The following DAB1 variants were observed in gnomAD, a reference collection of about 807,000 sequenced individuals.
DAB1 encodes disabled homolog 1.
Under a neutral mutation model 64.6 loss-of-function variants are expected in DAB1, and 15 were observed. The observed-to-expected ratio is 0.23, with a 90% CI of 0.16 to 0.36. DAB1 has a LOEUF of 0.36. Among genes scored for constraint, DAB1 ranks in the 10% least tolerant of loss-of-function variants. The probability of loss-of-function intolerance (pLI) is 1.00; values close to 1 mark genes in which losing one functional copy is unlikely to be tolerated. For synonymous variants in DAB1, 235 were observed against 251.9 expected, an observed-to-expected ratio of 0.93 and a Z score of 0.64; for missense variants, 596 against 706.7, an observed-to-expected ratio of 0.84 and a Z score of 1.78.
At chr1:57,057,862 C>T (rs930660751) in intron 9 of DAB1, among the ~76,000 whole-genome samples, 1 of 152,096 alleles carries the variant, frequency 6.6e-6, no homozygotes, top group Non-Finnish European at 1.5e-5. Flanking sequence ...CCCGCCTTGG[C>T]CTCCCAAAGT....
At chr1:57,316,525 T>C (rs1273164681) in intron 1 of DAB1, among the ~76,000 whole-genome samples, 1 of 152,156 alleles carries the variant, frequency 6.6e-6, no homozygotes, top group East Asian at 1.9e-4. Context: ...CCTCAGGCAA[T>C]TTTATTGGCA....
chr1:57,976,884 C>T (rs751311340), intron 5 of DAB1, among the ~76,000 whole-genome samples: 1 of 152,076 alleles, frequency 6.6e-6, no homozygotes, highest in Non-Finnish European at 1.5e-5. Context: ...GGTTCATTTC[C>T]TTCTCTCCAT....
intron 1 of DAB1, among the ~76,000 whole-genome samples, chr1:57,421,594 T>TA (rs1324295268): frequency 6.6e-6 from 1 of 152,116 alleles, no homozygotes; most frequent in Non-Finnish European, 1.5e-5. Flanking sequence ...GCCAAATAGT[T>TA]ACAAAGTCAG....
chr1:58,071,060 TA>T (rs377098945), intron 5 of DAB1, among the ~76,000 whole-genome samples: 19 of 152,096 alleles, frequency 1.2e-4, no homozygotes, highest in Admixed American at 4.6e-4. Context: ...AGAGGATGTG[TA>T]GTGTGATGTG....
intron 7 of DAB1, among the ~76,000 whole-genome samples, chr1:57,631,254 G>A (rs551153245): frequency 6.6e-6 from 1 of 152,310 alleles, no homozygotes; most frequent in African/African-American, 2.4e-5. Flanking sequence ...ATTTAAAGAT[G>A]AAATTCAGAG....
In DAB1 at chr1:57,462,634, G is replaced by A. The variant is rs12076004; in HGVS notation, n.626-171468C>T. 9.6e-3 allele frequency among the ~76,000 whole-genome samples: 1,455 copies of A among 152,226 alleles called. 26 individuals are homozygous for A. The highest frequency in any genetic ancestry group is 0.034 in the African/African-American group (1,401 of 41,532). On this transcript the variant is annotated intron_variant and non_coding_transcript_variant, in intron 7 of 20. Coordinates refer to the DAB1 transcript ENST00000485760. ...CTTACAACAACCCTATGAGAGGGTC[G>A]TACTGCTCCCATTTTTTAAATGAAG...
At chr1:58,312,897 GA>G (rs1302963324) in intron 4 of DAB1, among the ~76,000 whole-genome samples, 2 of 152,068 alleles carry the variant, frequency 1.3e-5, no homozygotes, top group Non-Finnish European at 2.9e-5. Flanking sequence ...AAGATTAAAA[GA>G]GTTCACAACT....
In DAB1 at chr1:57,890,442, CTTTCT is replaced by C. The variant is rs555949884; in HGVS notation, n.388-6285_388-6281del. ...TCTTCTCTTTTTTTGCTTTGCTTTTCTTTCTTTTCTTTTCTTTTTTTTTTTTTTCT... is the reference window on the plus strand; with the variant it reads ...TCTTCTCTTTTTTTGCTTTGCTTTTCTTTCTTTTCTTTTTTTTTTTTTTCT... On this transcript the variant is annotated intron_variant and non_coding_transcript_variant, in intron 5 of 20. Coordinates refer to the DAB1 transcript ENST00000485760. Among the ~76,000 whole-genome samples, 16 of 147,588 alleles carry C rather than the reference CTTTCT, an allele frequency of 1.1e-4. No individual in the cohort carries two copies. The South Asian group carries it at 3.0e-3, about 28-fold the overall frequency.
chr1:58,523,831 A>G (rs560499406), intron 2 of DAB1, among the ~76,000 whole-genome samples: 4 of 151,556 alleles, frequency 2.6e-5, no homozygotes, highest in Non-Finnish European at 2.9e-5. Flanking sequence ...GCTGGGAGGC[A>G]GAGCTTGCAG....
Position 57,114,856 on chromosome 1 carries a change from T to C in DAB1, c.306+21687A>G, listed in dbSNP as rs904506597. On this transcript the variant is annotated intron_variant, in intron 4 of 14. Coordinates refer to ENST00000371236, the MANE Select transcript of DAB1 (RefSeq NM_001365792.1). ...GACAAGGACTTCTGAATTCAGACCA[T>C]CTGGGTTCCATTTCAGGCTCTGCCA... Among the ~76,000 whole-genome samples, 105 of 152,318 alleles carry C rather than the reference T, an allele frequency of 6.9e-4. 1 individual carries two copies. Among genetic ancestry groups the C allele is most frequent in the African/African-American group, 2.5e-3 (104 of 41,570 alleles).
chr1:58,434,685 T>C (rs1207607129), intron 3 of DAB1, among the ~76,000 whole-genome samples: 1 of 152,188 alleles, frequency 6.6e-6, no homozygotes, highest in African/African-American at 2.4e-5. Context: ...TGTGTAACGT[T>C]ATAGGTGGAG....
chr1:58,279,681 T>C lies in DAB1; in HGVS notation n.309+63671A>G, dbSNP rs115853010. On this transcript the variant is annotated intron_variant and non_coding_transcript_variant, in intron 4 of 20. Coordinates refer to the DAB1 transcript ENST00000485760. ...CCCTTCAAGGGAAACCTCAAAGGCC[T>C]ATAGGAAGTCTTTCTTCTCAGAACT... is the stretch of plus-strand genomic sequence containing the variant. 9.4e-3 allele frequency among the ~76,000 whole-genome samples: 1,436 copies of C among 152,264 alleles called. 22 individuals are homozygous for C. Among genetic ancestry groups the C allele is most frequent in the African/African-American group, 0.034 (1,395 of 41,554 alleles).
At chr1:57,205,695 C>T (rs971933747) in intron 2 of DAB1, among the ~76,000 whole-genome samples, 1 of 152,136 alleles carries the variant, frequency 6.6e-6, no homozygotes, top group Non-Finnish European at 1.5e-5. Context: ...TCAAAAGAGG[C>T]AAAATTCCTT....
At chr1:57,318,542 G>A (rs1285567632) in intron 1 of DAB1, among the ~76,000 whole-genome samples, 2 of 151,946 alleles carry the variant, frequency 1.3e-5, no homozygotes, top group African/African-American at 2.4e-5. Context: ...GTGTGCACTC[G>A]CTAGTTCCCT....
intron 6 of DAB1, among the ~76,000 whole-genome samples, chr1:57,741,314 T>C (rs940661907): frequency 1.4e-4 from 21 of 152,218 alleles, no homozygotes; most frequent in African/African-American, 2.4e-5. Context: ...GAATGTTTCT[T>C]ATATGCCATG....
chr1:57,327,261 C>T (rs374751145), intron 1 of DAB1, among the ~76,000 whole-genome samples: 3 of 152,042 alleles, frequency 2.0e-5, no homozygotes, highest in African/African-American at 4.8e-5. Flanking sequence ...GCCCTCTTTA[C>T]GTGAAACACC....
At chr1:57,810,268 G>A (rs1651555838) in intron 6 of DAB1, among the ~76,000 whole-genome samples, 1 of 152,146 alleles carries the variant, frequency 6.6e-6, no homozygotes, top group African/African-American at 2.4e-5. Flanking sequence ...AGAGAAGAGG[G>A]CCTATTGCCT....
chr1:57,299,636 A>G (rs1673471250), intron 1 of DAB1, among the ~76,000 whole-genome samples: 1 of 144,534 alleles, frequency 6.9e-6, no homozygotes, highest in Admixed American at 6.7e-5. Context: ...AACCTAAAAT[A>G]ATTCCATTAG....
chr1:58,230,132 T>C (rs888722524), intron 4 of DAB1, among the ~76,000 whole-genome samples: 2 of 152,170 alleles, frequency 1.3e-5, no homozygotes, highest in Non-Finnish European at 2.9e-5. Context: ...TTTCATTAAG[T>C]TGAAAAAAAG....
Sources: allele counts gnomAD v4.1 joint callset (sites outside exome capture counted in the v4.1 genomes callset), GRCh38; gene constraint gnomAD v4.1.1; transcripts MANE v1.5; gene names NCBI Gene and HGNC (gene_info 2026-07-23, HGNC 2026-07-21).